The following EPHB1 variants were observed in gnomAD, a reference collection of about 807,000 sequenced individuals.
The protein encoded by EPHB1 is EPH receptor B1, also known as ephrin type-B receptor 1.
Under a neutral mutation model 94.4 loss-of-function variants are expected in EPHB1, and 30 were observed. The ratio of observed to expected loss-of-function variants is 0.32; its 90% CI spans 0.24 to 0.43. EPHB1 has a LOEUF of 0.43. EPHB1 is among the 20% of genes least tolerant of loss of function. EPHB1 has a pLI of 1.00. For synonymous variants in EPHB1, 522 were observed against 489.1 expected (o/e 1.07, Z -0.89); for missense variants, 1,055 against 1,308.3 (o/e 0.81, Z 2.99).
chr3:134,974,477 TA>T, intron 3 of EPHB1, among the ~76,000 whole-genome samples: 1 of 152,322 alleles, frequency 6.6e-6, no homozygotes, highest in East Asian at 1.9e-4. Context: ...GTAAAGTGCC[TA>T]AAACACTGCT....
At chr3:135,138,481 T>C (rs1247843018) in intron 5 of EPHB1, among the ~76,000 whole-genome samples, 1 of 152,250 alleles carries the variant, frequency 6.6e-6, no homozygotes, top group Non-Finnish European at 1.5e-5. Context: ...TGCAATATAT[T>C]GAGCTCTTTG....
At chr3:134,936,984 C>T (rs182644778) in intron 2 of EPHB1, among the ~76,000 whole-genome samples, 1 of 152,274 alleles carries the variant, frequency 6.6e-6, no homozygotes, top group East Asian at 1.9e-4. Flanking sequence ...TTGGAGCAGT[C>T]CTGGTGCCAG....
intron 3 of EPHB1, among the ~76,000 whole-genome samples, chr3:134,963,704 C>T (rs975913155): frequency 5.3e-5 from 8 of 152,060 alleles, no homozygotes; most frequent in Admixed American, 2.0e-4. Flanking sequence ...CTTGGAGGTT[C>T]TGCTGGTAAC....
intron 3 of EPHB1, among the ~76,000 whole-genome samples, chr3:135,006,184 A>G (rs2107746188): frequency 6.6e-6 from 1 of 152,342 alleles, no homozygotes; most frequent in South Asian, 2.1e-4. Context: ...ATTTCTGTAC[A>G]GCAGTGTAAG....
chr3:135,234,007 G>C (rs190546620), intron 12 of EPHB1, among the ~76,000 whole-genome samples: 2 of 152,166 alleles, frequency 1.3e-5, no homozygotes, highest in African/African-American at 4.8e-5. Flanking sequence ...GTCTGTGATG[G>C]GAGGGACTGT....
intron 3 of EPHB1, among the ~76,000 whole-genome samples, chr3:135,062,472 T>G (rs766602414): frequency 1.2e-4 from 19 of 152,232 alleles, no homozygotes; most frequent in Non-Finnish European, 2.8e-4. Flanking sequence ...ATATGTTTAT[T>G]GGCCATTTGT....
At chr3:135,198,584 A>G (rs1181692008) in intron 11 of EPHB1, among the ~76,000 whole-genome samples, 1 of 152,110 alleles carries the variant, frequency 6.6e-6, no homozygotes, top group African/African-American at 2.4e-5. Flanking sequence ...TGATCCCAGG[A>G]TGTTTCACAC....
At chr3:134,977,436 G>A (rs1272946477) in intron 3 of EPHB1, among the ~76,000 whole-genome samples, 1 of 152,196 alleles carries the variant, frequency 6.6e-6, no homozygotes, top group South Asian at 2.1e-4. Context: ...TCATTTACAT[G>A]CCTTCATTTC....
intron 10 of EPHB1, among the ~76,000 whole-genome samples, chr3:135,181,631 T>C (rs1249070089): frequency 6.6e-6 from 1 of 152,226 alleles, no homozygotes; most frequent in Non-Finnish European, 1.5e-5. Flanking sequence ...CTTAGAGCGA[T>C]GTGTTCTGGA....
intron 1 of EPHB1, among the ~76,000 whole-genome samples, chr3:134,848,833 T>C (rs902467554): frequency 1.3e-5 from 2 of 152,218 alleles, no homozygotes; most frequent in African/African-American, 4.8e-5. Context: ...TGCTCTTTAT[T>C]GAGAAAGCAA....
chr3:135,039,234 G>C (rs200031910), intron 3 of EPHB1, among the ~76,000 whole-genome samples: 224 of 151,526 alleles, frequency 1.5e-3, no homozygotes, highest in East Asian at 2.5e-3. Context: ...CAGCTAGATA[G>C]AGAGTGTCGA....
At chr3:134,990,011 G>T (rs1032153299) in intron 3 of EPHB1, among the ~76,000 whole-genome samples, 2 of 151,920 alleles carry the variant, frequency 1.3e-5, no homozygotes, top group African/African-American at 4.8e-5. Context: ...TTTATAACTT[G>T]TTTTGGTTTT....
intron 1 of EPHB1, among the ~76,000 whole-genome samples, chr3:134,844,609 T>C (rs2036835903): frequency 6.6e-6 from 1 of 152,194 alleles, no homozygotes; most frequent in Non-Finnish European, 1.5e-5. Context: ...CTTCATGTTG[T>C]TTCCTTCCCT....
intron 5 of EPHB1, among the ~76,000 whole-genome samples, chr3:135,140,800 A>G (rs1559848291): frequency 6.6e-6 from 1 of 152,178 alleles, no homozygotes; most frequent in Non-Finnish European, 1.5e-5. Context: ...CCTGCATGCC[A>G]GCCCCGCGCC....
chr3:135,251,628 A>AATC (rs1272950562), intron 15 of EPHB1, among the ~76,000 whole-genome samples: 1 of 152,242 alleles, frequency 6.6e-6, no homozygotes, highest in Non-Finnish European at 1.5e-5. Context: ...ATTGTGGGAC[A>AATC]ATCTGTGAAT....
chr3:134,828,482 G>A (rs73229125), intron 1 of EPHB1, among the ~76,000 whole-genome samples: 1 of 152,112 alleles, frequency 6.6e-6, no homozygotes, highest in Non-Finnish European at 1.5e-5. Context: ...TGAAAAATAT[G>A]TGTTAATTCC....
chr3:135,168,035 C>T (rs890674190), intron 9 of EPHB1, among the ~76,000 whole-genome samples: 15 of 152,192 alleles, frequency 9.9e-5, no homozygotes, highest in East Asian at 1.9e-4. Context: ...TTACCCAAGG[C>T]GGGAAAGTGA....
intron 3 of EPHB1, among the ~76,000 whole-genome samples, chr3:134,971,388 C>G (rs191022950): frequency 3.3e-5 from 5 of 152,130 alleles, no homozygotes; most frequent in African/African-American, 7.2e-5. Context: ...CAGGTAGAGT[C>G]GATGCGTGAC....
rs1392815298 is a variant in EPHB1, at chr3:134,861,232, T to TAGAA, written c.59-64579_59-64576dup. 1.6e-3 allele frequency among the ~76,000 whole-genome samples: 239 copies of TAGAA among 152,190 alleles called. 9 individuals are homozygous for TAGAA. The highest frequency in any genetic ancestry group is 0.015 in the Admixed American group (236 of 15,280). On this transcript the variant is annotated intron_variant, in intron 1 of 15. Coordinates refer to ENST00000398015, the MANE Select transcript of EPHB1 (RefSeq NM_004441.5). ...GCAGGAAATATGAAGAGATGTCAAG[T>TAGAA]AGAAAGAAGATAATGCCATTCAAGA...
Sources: allele counts gnomAD v4.1 joint callset (sites outside exome capture counted in the v4.1 genomes callset), GRCh38; gene constraint gnomAD v4.1.1; transcripts MANE v1.5; gene names NCBI Gene and HGNC (gene_info 2026-07-23, HGNC 2026-07-21).